FNDC3A: variants seen among roughly 807,000 people sequenced by gnomAD.
The protein encoded by FNDC3A is fibronectin type-III domain-containing protein 3A.
In FNDC3A, 32 loss-of-function variants were observed where a neutral mutation model predicts 148.9. The ratio of observed to expected loss-of-function variants is 0.21; its 90% CI spans 0.16 to 0.29. The LOEUF (loss-of-function observed/expected upper bound fraction) is 0.29, where lower values mean the gene tolerates loss of function less well. FNDC3A is among the 10% of genes least tolerant of loss of function. The probability of loss-of-function intolerance (pLI) is 1.00; values close to 1 mark genes in which losing one functional copy is unlikely to be tolerated. For missense variants in FNDC3A, 1,191 were observed against 1,452.8 expected, an observed-to-expected ratio of 0.82 and a Z score of 2.93; for synonymous variants, 472 against 473.6, an observed-to-expected ratio of 1.00 and a Z score of 0.04.
At chr13:49,062,632 T>C (rs530279916) in intron 2 of FNDC3A, among the ~76,000 whole-genome samples, 98 of 152,336 alleles carry the variant, frequency 6.4e-4, no homozygotes, top group African/African-American at 2.0e-3. Flanking sequence ...TCTGCTTGTC[T>C]CGCTGAATTC....
chr13:49,180,590 G>A (rs1885253945), intron 14 of FNDC3A, among the ~76,000 whole-genome samples: 1 of 152,112 alleles, frequency 6.6e-6, no homozygotes, highest in South Asian at 2.1e-4. Flanking sequence ...TCCTAAAGAG[G>A]AAGTTGTTAA....
At chr13:49,038,866 A>T (rs1484575151) in intron 2 of FNDC3A, among the ~76,000 whole-genome samples, 2 of 152,134 alleles carry the variant, frequency 1.3e-5, no homozygotes, top group Admixed American at 6.5e-5. Context: ...TTTTTCTTTA[A>T]TTTTTTTCTG....
rs552854538 is a variant in FNDC3A, at chr13:49,186,141, G to A, written c.1756+39G>A. ...CATGTTTATACATTATTACTTTTGC[G>A]TTTGATTAAAATAATTTGAATATGA... On this transcript the variant is annotated intron_variant, in intron 15 of 25. Coordinates refer to ENST00000492622, the MANE Select transcript of FNDC3A (RefSeq NM_001079673.2). The A allele has an allele frequency of 5.3e-5, 79 of 1,491,516 alleles. No homozygotes were observed. In the Admixed American group the frequency reaches 7.2e-4, roughly 14 times the overall value. 92.4% of individuals were successfully genotyped at this position (1,491,516 alleles called of 1,614,324 possible).
intron 2 of FNDC3A, chr13:49,045,118 T>TCTTTCCCTTTCC: frequency 5.3e-6 from 1 of 188,284 alleles, no homozygotes; most frequent in Non-Finnish European, 1.1e-5. Context: ...TTTCCTTTTT[T>TCTTTCCCTTTCC]CTTTCCCTTT....
chr13:48,986,385 GTTTT>G (rs869031197), intron 1 of FNDC3A, among the ~76,000 whole-genome samples: 84 of 54,412 alleles, frequency 1.5e-3, no homozygotes, highest in African/African-American at 5.7e-3. Context: ...GAAGGAAGTT[GTTTT>G]TTTTTTTTTT....
intron 9 of FNDC3A, 58 bp downstream of exon 9, chr13:49,167,361 A>G: frequency 1.1e-6 from 1 of 921,274 alleles, no homozygotes; most frequent in South Asian, 1.9e-5. Context: ...TTTTTTTTTA[A>G]ATAATTATTT....
chr13:49,070,141 TA>T (rs1459581991), intron 2 of FNDC3A, among the ~76,000 whole-genome samples: 5 of 152,246 alleles, frequency 3.3e-5, no homozygotes, highest in African/African-American at 1.2e-4. Flanking sequence ...TTTATTTATT[TA>T]TTTTTTTGAG....
rs1475923894 is a variant in FNDC3A, at chr13:49,125,792, TA to T, written c.253-5341del. Among the ~76,000 whole-genome samples the T allele has an allele frequency of 2.0e-5, 3 of 152,200 alleles. No homozygotes were observed. The East Asian group carries it at 5.8e-4, about 29-fold the overall frequency. ...ATTCTGGTAAGGAAGATACACAATA[TA>T]AAATGTCAGATACAGTTTCCTTTCT... On this transcript the variant is annotated intron_variant, in intron 4 of 25. Coordinates refer to ENST00000492622, the MANE Select transcript of FNDC3A (RefSeq NM_001079673.2).
chr13:48,998,127 C>A (rs752445343), intron 1 of FNDC3A, among the ~76,000 whole-genome samples: 3 of 152,060 alleles, frequency 2.0e-5, no homozygotes, highest in Non-Finnish European at 2.9e-5. Context: ...AAAGGCAATC[C>A]TTGTAATAAA....
chr13:49,113,786 AG>A (rs1269055889), intron 3 of FNDC3A, among the ~76,000 whole-genome samples: 1 of 152,160 alleles, frequency 6.6e-6, no homozygotes, highest in East Asian at 1.9e-4. Flanking sequence ...AAGGAACTGA[AG>A]GGGGGTAAGA....
At chr13:49,004,765 T>A (rs1228248881) in intron 1 of FNDC3A, among the ~76,000 whole-genome samples, 3 of 152,032 alleles carry the variant, frequency 2.0e-5, no homozygotes, top group South Asian at 2.1e-4. Context: ...TTATTTTTTT[T>A]AATTTATTAA....
intron 13 of FNDC3A, among the ~76,000 whole-genome samples, chr13:49,176,668 G>T (rs188968800): frequency 5.5e-4 from 84 of 152,242 alleles, no homozygotes; most frequent in Admixed American, 1.3e-3. Flanking sequence ...TTTTAGTGTG[G>T]CATTAATCCT....
intron 4 of FNDC3A, among the ~76,000 whole-genome samples, chr13:49,116,835 A>G (rs1880997181): frequency 1.3e-5 from 2 of 152,108 alleles, no homozygotes; most frequent in African/African-American, 4.8e-5. Flanking sequence ...ATATTTTACA[A>G]GAGTGGTCGG....
chr13:48,994,669 T>C (rs1253919779), intron 1 of FNDC3A, among the ~76,000 whole-genome samples: 3 of 151,820 alleles, frequency 2.0e-5, no homozygotes, highest in African/African-American at 7.3e-5. Context: ...TCCCAGCTAC[T>C]CCGGAGGCTG....
intron 10 of FNDC3A, among the ~76,000 whole-genome samples, chr13:49,171,777 G>C (rs977946596): frequency 1.3e-5 from 2 of 152,148 alleles, no homozygotes; most frequent in Non-Finnish European, 2.9e-5. Flanking sequence ...TTTTTTTAAA[G>C]ACTTTTTCAA....
intron 2 of FNDC3A, among the ~76,000 whole-genome samples, chr13:49,018,191 G>C (rs571266625): frequency 5.7e-4 from 86 of 152,154 alleles, no homozygotes; most frequent in Non-Finnish European, 1.0e-3. Flanking sequence ...ATATCCTGCA[G>C]AGTGTTTTCC....
At chr13:49,078,091 G>A (rs1370649457) in intron 3 of FNDC3A, among the ~76,000 whole-genome samples, 1 of 152,064 alleles carries the variant, frequency 6.6e-6, no homozygotes, top group Non-Finnish European at 1.5e-5. Flanking sequence ...AACTAATACA[G>A]CATTGATCTT....
At chr13:48,977,744 G>A (rs1951628437) in intron 1 of FNDC3A, among the ~76,000 whole-genome samples, 1 of 152,120 alleles carries the variant, frequency 6.6e-6, no homozygotes, top group South Asian at 2.1e-4. Flanking sequence ...GTGGGAAGAA[G>A]GGATGATGAC....
chr13:49,001,306 C>T lies in FNDC3A; in HGVS notation c.-39-4846C>T, dbSNP rs1366757323. ...CTGTGCCTGTCTTTAATCTCTTAAT[C>T]CCATCATCTTTGTAAGCTGAGGAGG... is the stretch of plus-strand genomic sequence containing the variant. On this transcript the variant is annotated intron_variant, in intron 1 of 25. Transcript: ENST00000492622. Among the ~76,000 whole-genome samples the T allele has an allele frequency of 2.6e-5, 4 of 152,292 alleles. No individual in the cohort carries two copies. In the South Asian group the frequency reaches 8.3e-4, roughly 32 times the overall value.
Sources: gnomAD v4.1 joint callset for allele counts (sites outside exome capture counted in the v4.1 genomes callset) on GRCh38, gnomAD v4.1.1 for gene constraint, MANE v1.5 for transcripts, NCBI Gene and HGNC (gene_info 2026-07-23, HGNC 2026-07-21) for gene names.